The following KCND3 variants were observed in gnomAD, a reference collection of about 807,000 sequenced individuals.
KCND3 encodes potassium voltage-gated channel subfamily D member 3, also known as A-type voltage-gated potassium channel KCND3.
KCND3 carries 9 observed loss-of-function variants against 51.1 expected under a neutral mutation model. The ratio of observed to expected loss-of-function variants is 0.18; its 90% CI spans 0.11 to 0.31. The LOEUF (loss-of-function observed/expected upper bound fraction) is 0.31, where lower values mean the gene tolerates loss of function less well. Ranked by LOEUF, KCND3 falls within the 10% of genes least tolerant of loss-of-function variation. The pLI, the probability that KCND3 is intolerant of heterozygous loss-of-function variation, is 1.00. For synonymous variants in KCND3, 349 were observed against 368.0 expected, an observed-to-expected ratio of 0.95 and a Z score of 0.59; for missense variants, 526 against 903.8, an observed-to-expected ratio of 0.58 and a Z score of 5.36.
intron 2 of KCND3, among the ~76,000 whole-genome samples, chr1:111,839,409 C>T (rs1667224397): frequency 2.0e-5 from 3 of 152,224 alleles, no homozygotes; most frequent in Non-Finnish European, 4.4e-5. Flanking sequence ...TCCTTCCTGC[C>T]CTTCAGCATT....
intron 2 of KCND3, among the ~76,000 whole-genome samples, chr1:111,898,186 T>C (rs766069678): frequency 1.3e-5 from 2 of 152,198 alleles, no homozygotes; most frequent in Non-Finnish European, 1.5e-5. Flanking sequence ...TCAATCCACC[T>C]GGAATGCTTA....
chr1:111,783,071 A>G (rs2101479390), intron 3 of KCND3, among the ~76,000 whole-genome samples: 1 of 152,276 alleles, frequency 6.6e-6, no homozygotes, highest in Non-Finnish European at 1.5e-5. Flanking sequence ...CTGGAAGGCC[A>G]TGCTTATACT....
At chr1:111,866,589 C>CAT (rs1442098906) in intron 2 of KCND3, among the ~76,000 whole-genome samples, 4 of 149,122 alleles carry the variant, frequency 2.7e-5, no homozygotes, top group Non-Finnish European at 6.0e-5. Context: ...AACACACACA[C>CAT]ACACACACAC....
chr1:111,960,043 A>G (rs1286806975), intron 2 of KCND3, among the ~76,000 whole-genome samples: 1 of 104,352 alleles, frequency 9.6e-6, no homozygotes, highest in African/African-American at 2.7e-5. Context: ...GGAAAAAAAG[A>G]AAAAAAAAAA....
At chr1:111,804,823 T>A (rs929317806) in intron 2 of KCND3, among the ~76,000 whole-genome samples, 1 of 152,240 alleles carries the variant, frequency 6.6e-6, no homozygotes, top group Non-Finnish European at 1.5e-5. Context: ...ATCATAGCGT[T>A]AATTAACAGT....
chr1:111,896,648 A>G lies in KCND3; in HGVS notation c.1106+84973T>C, dbSNP rs115151512. ...GTTGAGATCCACTCAGCGGACAGCA[A>G]TAGGTTCAAATGAGCAAAAGGAGGT... On this transcript the variant is annotated intron_variant, in intron 2 of 7. Coordinates refer to ENST00000302127, the MANE Select transcript of KCND3 (RefSeq NM_001378969.1). 2.7e-3 allele frequency among the ~76,000 whole-genome samples: 411 copies of G among 152,316 alleles called. 4 individuals carry two copies. The highest frequency in any genetic ancestry group is 0.014 in the Middle Eastern group (4 of 294).
chr1:111,849,224 T>A (rs1667699948), intron 2 of KCND3, among the ~76,000 whole-genome samples: 1 of 152,050 alleles, frequency 6.6e-6, no homozygotes, highest in Middle Eastern at 3.2e-3. Context: ...CACCAAAAAC[T>A]CCTCAGTGAC....
At chr1:111,890,229 C>T (rs1403504935) in intron 2 of KCND3, among the ~76,000 whole-genome samples, 1 of 152,118 alleles carries the variant, frequency 6.6e-6, no homozygotes, top group Non-Finnish European at 1.5e-5. Context: ...AAGTGAAGAC[C>T]AGCTAGGAGG....
At chr1:111,835,977 T>C (rs1052109523) in intron 2 of KCND3, among the ~76,000 whole-genome samples, 5 of 152,234 alleles carry the variant, frequency 3.3e-5, no homozygotes, top group African/African-American at 9.6e-5. Flanking sequence ...AACACATCTG[T>C]GATCATCTAG....
chr1:111,984,814 C>T (rs767883144), intron 1 of KCND3, among the ~76,000 whole-genome samples: 31 of 152,194 alleles, frequency 2.0e-4, no homozygotes, highest in Non-Finnish European at 2.9e-4. Flanking sequence ...GAATATCCTT[C>T]CCCTGGACCC....
chr1:111,944,148 A>G (rs114721683), intron 2 of KCND3, among the ~76,000 whole-genome samples: 3,721 of 152,292 alleles, frequency 0.024, 62 homozygotes, highest in Non-Finnish European at 0.033. Flanking sequence ...TAAGGGGGTG[A>G]GAAGGGGTGG....
At chr1:111,944,873 G>A (rs1672703804) in intron 2 of KCND3, among the ~76,000 whole-genome samples, 1 of 152,234 alleles carries the variant, frequency 6.6e-6, no homozygotes, top group Non-Finnish European at 1.5e-5. Context: ...GATGCAGTGA[G>A]CATGAACTCC....
chr1:111,809,613 A>G (rs746664021), intron 2 of KCND3, among the ~76,000 whole-genome samples: 1 of 151,676 alleles, frequency 6.6e-6, no homozygotes, highest in Non-Finnish European at 1.5e-5. Context: ...CAGCCAGAAG[A>G]TTATTTTTCT....
chr1:111,848,347 C>T (rs1667658566), intron 2 of KCND3, among the ~76,000 whole-genome samples: 1 of 152,212 alleles, frequency 6.6e-6, no homozygotes, highest in Non-Finnish European at 1.5e-5. Context: ...TGTGGGTGGG[C>T]ACCTACAGAC....
At chr1:111,833,987 A>T (rs1233917155) in intron 2 of KCND3, among the ~76,000 whole-genome samples, 2 of 152,210 alleles carry the variant, frequency 1.3e-5, no homozygotes, top group East Asian at 3.8e-4. Context: ...TAGATGGAAG[A>T]TCAGTTATCC....
chr1:111,926,132 CCA>C (rs1235417619), intron 2 of KCND3, among the ~76,000 whole-genome samples: 1 of 152,142 alleles, frequency 6.6e-6, no homozygotes, highest in African/African-American at 2.4e-5. Flanking sequence ...GTGATTCACT[CCA>C]CAGTTTGTGG....
At chr1:111,930,975 C>T (rs940091112) in intron 2 of KCND3, among the ~76,000 whole-genome samples, 13 of 152,210 alleles carry the variant, frequency 8.5e-5, no homozygotes, top group African/African-American at 2.9e-4. Context: ...CTTTATCCAG[C>T]CCCATCCCAC....
At chr1:111,884,779 T>C (rs1321796630) in intron 2 of KCND3, among the ~76,000 whole-genome samples, 1 of 152,256 alleles carries the variant, frequency 6.6e-6, no homozygotes, top group Non-Finnish European at 1.5e-5. Context: ...CAGCATGGAT[T>C]CATTAAGACT....
chr1:111,984,155 T>A (rs1035420361), intron 1 of KCND3, among the ~76,000 whole-genome samples: 21 of 151,990 alleles, frequency 1.4e-4, no homozygotes, highest in African/African-American at 4.8e-4. Flanking sequence ...AAGAGGTGAG[T>A]CTTGGAAAAT....
Sources: gnomAD v4.1 joint callset for allele counts (sites outside exome capture counted in the v4.1 genomes callset) on GRCh38, gnomAD v4.1.1 for gene constraint, MANE v1.5 for transcripts, NCBI Gene and HGNC (gene_info 2026-07-23, HGNC 2026-07-21) for gene names.